Variants in TNR observed in about 807,000 individuals in gnomAD.
TNR encodes tenascin R.
Under a neutral mutation model 150.4 loss-of-function variants are expected in TNR, and 45 were observed. The ratio of observed to expected loss-of-function variants is 0.30; its 90% CI spans 0.24 to 0.38. The LOEUF (loss-of-function observed/expected upper bound fraction) is 0.38. Ranked by LOEUF, TNR falls within the 10% of genes least tolerant of loss-of-function variation. The pLI is 1.00. For synonymous variants in TNR, 687 were observed against 678.4 expected (o/e 1.01, Z -0.20); for missense variants, 1,544 against 1,759.1 (o/e 0.88, Z 2.19).
intron 2 of TNR, among the ~76,000 whole-genome samples, chr1:175,419,728 G>A (rs962817057): frequency 1.3e-5 from 2 of 151,974 alleles, no homozygotes; most frequent in East Asian, 1.9e-4. Context: ...GTGATCCACC[G>A]ACCTCAGCCT....
intron 1 of TNR, among the ~76,000 whole-genome samples, chr1:175,716,098 G>C (rs1667150127): frequency 6.6e-6 from 1 of 152,150 alleles, no homozygotes; most frequent in South Asian, 2.1e-4. Context: ...TTTAGGAATT[G>C]CTTCTAAGCT....
intron 1 of TNR, among the ~76,000 whole-genome samples, chr1:175,728,358 G>T (rs1038677861): frequency 1.3e-5 from 2 of 152,208 alleles, no homozygotes; most frequent in Admixed American, 1.3e-4. Flanking sequence ...CACTGTCAAG[G>T]TCAAGGATAT....
chr1:175,534,163 C>G (rs1256009139), intron 1 of TNR, among the ~76,000 whole-genome samples: 1 of 152,234 alleles, frequency 6.6e-6, no homozygotes, highest in Admixed American at 6.5e-5. Flanking sequence ...AATGGACCAT[C>G]CTGGCTGAGG....
rs1162766211 is a variant in TNR at position 175,684,457 on chromosome 1, C to A, written c.-165+58769G>T. Reference sequence around the variant, plus strand: ...CAATTAGGACTATAAAACCTAAAATCAAGTAGACATCAACATCCTCTAGCT... The same window carrying A: ...CAATTAGGACTATAAAACCTAAAATAAAGTAGACATCAACATCCTCTAGCT... On this transcript the variant is annotated intron_variant, in intron 1 of 22. Coordinates refer to ENST00000367674, the MANE Select transcript of TNR (RefSeq NM_003285.3). Among the ~76,000 whole-genome samples the A allele has an allele frequency of 2.0e-5, 3 of 152,132 alleles. No individual in the cohort carries two copies. The East Asian group carries it at 5.8e-4, about 29-fold the overall frequency.
At chr1:175,584,549 C>T (rs774012682) in intron 1 of TNR, among the ~76,000 whole-genome samples, 1 of 152,182 alleles carries the variant, frequency 6.6e-6, no homozygotes, top group African/African-American at 2.4e-5. Context: ...TATAGGTGGC[C>T]TGCAAGGTTT....
chr1:175,456,082 C>T (rs921954506), intron 2 of TNR, among the ~76,000 whole-genome samples: 4 of 152,206 alleles, frequency 2.6e-5, no homozygotes, highest in Non-Finnish European at 5.9e-5. Flanking sequence ...GCCCTGAGCT[C>T]ACTAGCTCAC....
chr1:175,678,620 T>C (rs1665938245), intron 1 of TNR, among the ~76,000 whole-genome samples: 1 of 152,136 alleles, frequency 6.6e-6, no homozygotes, highest in South Asian at 2.1e-4. Flanking sequence ...GGGAGCTGTA[T>C]CTGGGAGTAG....
At chr1:175,578,101 G>C (rs1571630389) in intron 1 of TNR, among the ~76,000 whole-genome samples, 4 of 152,190 alleles carry the variant, frequency 2.6e-5, no homozygotes, top group Non-Finnish European at 5.9e-5. Context: ...GTAGTGAATA[G>C]ATCCAGACCT....
chr1:175,691,176 A>AGCAGAGCAGAACAAGGTGGCTCT (rs147761859), intron 1 of TNR, among the ~76,000 whole-genome samples: 63,668 of 150,638 alleles, frequency 0.42, 14,137 homozygotes, highest in East Asian at 0.69. Context: ...AACACCCAGC[A>AGCAGAGCAGAACAAGGTGGCTCT]GCAGAGCAGA....
At chr1:175,588,260 T>C (rs1452666407) in intron 1 of TNR, among the ~76,000 whole-genome samples, 4 of 152,204 alleles carry the variant, frequency 2.6e-5, no homozygotes, top group African/African-American at 7.2e-5. Context: ...TCTCAAAACT[T>C]TGTGGCGGTA....
At chr1:175,475,081 C>T (rs1657487536) in intron 2 of TNR, among the ~76,000 whole-genome samples, 1 of 152,178 alleles carries the variant, frequency 6.6e-6, no homozygotes, top group South Asian at 2.1e-4. Flanking sequence ...CCCAGAGGCC[C>T]CCTGGATGTC....
intron 1 of TNR, among the ~76,000 whole-genome samples, chr1:175,702,740 CA>C (rs1558081545): frequency 6.6e-6 from 1 of 152,256 alleles, no homozygotes; most frequent in East Asian, 1.9e-4. Flanking sequence ...TGCACCTGCC[CA>C]ATACACATAG....
intron 1 of TNR, among the ~76,000 whole-genome samples, chr1:175,705,380 A>C (rs1431189621): frequency 6.6e-6 from 1 of 152,194 alleles, no homozygotes; most frequent in African/African-American, 2.4e-5. Context: ...TTAAAAAGCC[A>C]CTGTGATCTA....
At chr1:175,456,251 T>A (rs776260100) in intron 2 of TNR, among the ~76,000 whole-genome samples, 2 of 152,196 alleles carry the variant, frequency 1.3e-5, no homozygotes, top group African/African-American at 2.4e-5. Context: ...CCCTCAAGTC[T>A]TCACTCAATG....
chr1:175,655,086 G>C (rs555038769), intron 1 of TNR, among the ~76,000 whole-genome samples: 1 of 152,194 alleles, frequency 6.6e-6, no homozygotes, highest in African/African-American at 2.4e-5. Context: ...CTTCTGTTTT[G>C]ACGCTGAGGA....
intron 1 of TNR, among the ~76,000 whole-genome samples, chr1:175,588,690 A>C (rs76960526): frequency 0.03 from 4,560 of 152,328 alleles, 95 homozygotes; most frequent in Non-Finnish European, 0.052. Flanking sequence ...CCTGCTCATA[A>C]CCCTAGAATT....
rs1654048907 is a variant in TNR, at chr1:175,408,250, G to A, written c.-63-1473C>T. ...CGGCGAGAGTGCTCAGTGCATAGTTGTTGAATAAGTGGATAAGTAGATCCC... is the reference window on the plus strand; with the variant it reads ...CGGCGAGAGTGCTCAGTGCATAGTTATTGAATAAGTGGATAAGTAGATCCC... On this transcript the variant is annotated intron_variant, in intron 2 of 22. Transcript: ENST00000367674. Among the ~76,000 whole-genome samples the A allele has an allele frequency of 1.3e-5, 2 of 152,214 alleles. 1 individual carries two copies. Among genetic ancestry groups the A allele is most frequent in the South Asian group, 4.1e-4 (2 of 4,832 alleles).
intron 1 of TNR, among the ~76,000 whole-genome samples, chr1:175,562,315 A>G (rs993460244): frequency 1.3e-5 from 2 of 152,238 alleles, no homozygotes; most frequent in South Asian, 4.1e-4. Flanking sequence ...CCTCACCATC[A>G]TTCAATAAAT....
intron 2 of TNR, among the ~76,000 whole-genome samples, chr1:175,434,330 A>T (rs112215221): frequency 6.6e-6 from 1 of 151,852 alleles, no homozygotes; most frequent in African/African-American, 2.4e-5. Context: ...ATAATGGATC[A>T]CCTCTTGCCT....
Sources: gnomAD v4.1 joint callset for allele counts (sites outside exome capture counted in the v4.1 genomes callset) on GRCh38, gnomAD v4.1.1 for gene constraint, MANE v1.5 for transcripts, NCBI Gene and HGNC (gene_info 2026-07-23, HGNC 2026-07-21) for gene names.